USP20: variants seen among roughly 807,000 people sequenced by gnomAD.
USP20 encodes the protein ubiquitin carboxyl-terminal hydrolase 20.
In USP20, 80 loss-of-function variants were observed where a neutral mutation model predicts 124.2. The ratio of observed to expected loss-of-function variants is 0.64; its 90% confidence interval spans 0.54 to 0.78. The LOEUF (loss-of-function observed/expected upper bound fraction) is 0.78, where lower values mean the gene tolerates loss of function less well. USP20 is among the 30% of genes least tolerant of loss of function. USP20 has a pLI of 0.00. For synonymous variants in USP20, 481 were observed against 512.3 expected, an observed-to-expected ratio of 0.94 and a Z score of 0.83; for missense variants, 1,043 against 1,244.4, an observed-to-expected ratio of 0.84 and a Z score of 2.44.
At chr9:129,868,594 G>C in intron 11 of USP20, 145 bp downstream of exon 11, 4 of 1,433,184 alleles carry the variant, frequency 2.8e-6, no homozygotes, top group South Asian at 1.5e-5. Context: ...CTCCGGGGGG[G>C]CTCAGTGATG....
chr9:129,876,374 C>A, intron 22 of USP20, 136 bp downstream of exon 22: 2 of 698,914 alleles, frequency 2.9e-6, no homozygotes, highest in East Asian at 5.6e-5. Context: ...CATGGTGGCT[C>A]ACACCTGTAA....
Position 129,875,603 on chromosome 9 carries a change from C to T in USP20, c.2262C>T (p.Val754=). ...HKYHYIDDLV[V]ILPQNVWEHL... is the part of the protein sequence containing the mutation. ...ACCACTACATCGACGACCTGGTGGT[C>T]ATCCTGCCCCAGAACGTCTGGGAGC... Residue 754 remains valine (V), a synonymous_variant, in exon 21 of 26, where the codon GTC becomes GTT. Transcript: ENST00000372429. 6.2e-7 allele frequency: 1 copy of T among 1,614,080 alleles called. No homozygotes were observed.
Position 129,846,791 on chromosome 9 carries a change from T to C in USP20, c.-128-3022T>C, listed in dbSNP as rs138093204. Among the ~76,000 whole-genome samples, 140 of 151,802 alleles carry C rather than the reference T, an allele frequency of 9.2e-4. 1 individual carries two copies. Among genetic ancestry groups the C allele is most frequent in the Non-Finnish European group, 1.8e-3 (120 of 67,932 alleles). ...ACAGGCTCCCGCCACCACGCCCGGCTAATTTTTGTATTTTTAGTAGAAACG... is the reference window on the plus strand; with the variant it reads ...ACAGGCTCCCGCCACCACGCCCGGCCAATTTTTGTATTTTTAGTAGAAACG... On this transcript the variant is annotated intron_variant, in intron 1 of 25. Transcript: ENST00000372429.
chr9:129,852,747 C>T (rs1446404219), intron 3 of USP20, 111 bp downstream of exon 3: 10 of 1,106,580 alleles, frequency 9.0e-6, no homozygotes, highest in African/African-American at 4.7e-5. Flanking sequence ...AGTCTCTGCT[C>T]AGCTTTCTGT....
intron 1 of USP20, among the ~76,000 whole-genome samples, chr9:129,840,119 T>G (rs1388576731): frequency 9.9e-6 from 1 of 101,392 alleles, no homozygotes; most frequent in African/African-American, 2.7e-5. Context: ...CCTTGCTGAC[T>G]TGTTGTACAG....
chr9:129,849,842 A>G lies in USP20; in HGVS notation c.-99A>G, dbSNP rs2032799235. The G allele has an allele frequency of 6.6e-6, 1 of 152,328 alleles. No individual in the cohort carries two copies. The highest frequency in any genetic ancestry group is 1.5e-5 in the Non-Finnish European group (1 of 68,164). 9.4% of individuals were successfully genotyped at this position (152,328 alleles called of 1,614,324 possible). A position where few individuals can be genotyped will look rare whatever the true frequency, so the allele number is the denominator to read the frequency against. ...CTTGCCAGAGGCCTCCACTCACTCC[A>G]GACCCCTATAGCCCGTCGCTGTCAG... On this transcript the variant is annotated 5_prime_UTR_variant, in exon 2 of 26. Transcript: ENST00000372429.
In USP20 at chr9:129,839,576, T is replaced by C. The variant is rs1366844875; in HGVS notation, c.-129+4077T>C. 1.3e-5 allele frequency among the ~76,000 whole-genome samples: 2 copies of C among 149,638 alleles called. No individual in the cohort carries two copies. The highest frequency in any genetic ancestry group is 6.7e-5 in the Admixed American group (1 of 15,022). The stretch of plus-strand genomic sequence containing the variant: ...GACAGCAGGAGGGAGAGAAAGGGTG[T>C]GCGAGGGCCAGAGGGGACTGTGGAG... On this transcript the variant is annotated intron_variant, in intron 1 of 25. Coordinates refer to ENST00000372429, the MANE Select transcript of USP20 (RefSeq NM_001110303.4). This position sits in a 1 kb window ranked among gnomAD's most constrained non-coding sequence, Gnocchi z 4.5.
intron 1 of USP20, among the ~76,000 whole-genome samples, chr9:129,842,342 C>G (rs2032263862): frequency 6.6e-6 from 1 of 152,136 alleles, no homozygotes; most frequent in Non-Finnish European, 1.5e-5. Context: ...AACAGAGGTG[C>G]TGGTGGTGAT....
chr9:129,870,397 G>C (rs2034058970), intron 14 of USP20, 56 bp from the exon 15 acceptor site: 4 of 1,575,464 alleles, frequency 2.5e-6, no homozygotes, highest in Non-Finnish European at 3.5e-6. Flanking sequence ...AGTCCCTTCA[G>C]CTCCTGTTCT....
At chr9:129,874,473 G>A (rs2034284608) in intron 17 of USP20, 103 bp from the exon 18 acceptor site, 10 of 1,462,942 alleles carry the variant, frequency 6.8e-6, no homozygotes, top group Middle Eastern at 1.8e-4. Flanking sequence ...TTCCAATGGA[G>A]TCAGCTTGCA....
At chr9:129,875,091 C>T (rs2034325163) in intron 19 of USP20, 136 bp downstream of exon 19, 2 of 1,412,788 alleles carry the variant, frequency 1.4e-6, no homozygotes, top group Non-Finnish European at 1.9e-6. Flanking sequence ...TAAGAAACAG[C>T]CCTCTGGCTG....
intron 2 of USP20, among the ~76,000 whole-genome samples, chr9:129,850,958 G>A (rs1012785799): frequency 1.3e-5 from 2 of 152,044 alleles, no homozygotes; most frequent in African/African-American, 4.8e-5. Flanking sequence ...CCAGTCTTTT[G>A]TTTTGTTTTT....
intron 7 of USP20, 69 bp downstream of exon 7, chr9:129,861,102 G>A (rs780165098): frequency 6.9e-5 from 97 of 1,415,682 alleles, no homozygotes; most frequent in Middle Eastern, 1.8e-4. Flanking sequence ...GCTGGAAACC[G>A]CCAGAGTCTT....
chr9:129,874,869 G>A lies in USP20; in HGVS notation c.1962G>A (p.Gly654=). The change falls in exon 19 of 26, where the codon GGG becomes GGA. Residue 654 remains glycine, a synonymous_variant. Coordinates refer to ENST00000372429, the MANE Select transcript of USP20 (RefSeq NM_001110303.4). ...YIAYCQNVIN[G]QWYEFDDQYV... Reference sequence around the variant, plus strand: ...CCTACTGCCAGAACGTGATCAATGGGCAGTGGTACGAGTTTGATGACCAGT... The same window carrying A: ...CCTACTGCCAGAACGTGATCAATGGACAGTGGTACGAGTTTGATGACCAGT... The A allele has an allele frequency of 6.2e-7, 1 of 1,614,142 alleles. No homozygotes were observed. Among genetic ancestry groups the A allele is most frequent in the Non-Finnish European group, 8.5e-7 (1 of 1,180,040 alleles).
chr9:129,867,448 G>T (rs774612234), intron 10 of USP20, among the ~76,000 whole-genome samples: 1 of 152,176 alleles, frequency 6.6e-6, no homozygotes, highest in South Asian at 2.1e-4. Context: ...GGCAGTGAGG[G>T]TATGTGGGGG....
rs777557828 is a variant in USP20, at chr9:129,861,570, A to C, written c.455A>C (p.Asn152Thr). 2.5e-6 allele frequency: 4 copies of C among 1,613,962 alleles called. No individual in the cohort carries two copies. Among genetic ancestry groups the C allele is most frequent in the Non-Finnish European group, 3.4e-6 (4 of 1,179,994 alleles). ...RGLTGMKNLG[N>T]SCYMNAALQA... ...CTCACGGGCATGAAGAACCTCGGGA[A>C]CTCCTGCTACATGAACGCTGCCCTG... Residue 152 changes from asparagine (N) to threonine (T), a missense_variant, in exon 8 of 26, where the codon AAC (asparagine) becomes ACC (threonine). Asn to Thr is a moderately conservative substitution (Grantham distance 65, BLOSUM62 0). Transcript: ENST00000372429.
At chr9:129,853,966 A>G (rs981126814) in intron 3 of USP20, among the ~76,000 whole-genome samples, 2 of 146,970 alleles carry the variant, frequency 1.4e-5, no homozygotes, top group Non-Finnish European at 3.0e-5. Context: ...GAAAGTTACA[A>G]AATAAAACCA....
intron 2 of USP20, 82 bp downstream of exon 2, chr9:129,850,006 G>A (rs2032815717): frequency 6.6e-6 from 1 of 150,838 alleles, no homozygotes; most frequent in African/African-American, 2.5e-5. Flanking sequence ...TGAAAGAATG[G>A]AATTGTGATT....
At position 129,839,331 on chromosome 9, in the gene USP20, C is replaced by T. The variant is rs1455294762; in HGVS notation, c.-129+3832C>T. The stretch of plus-strand genomic sequence containing the variant: ...GAACACCAGACTAAGATGTTAGTGT[C>T]AGTTCCAATATTCAGGGCCGTGGGG... On this transcript the variant is annotated intron_variant, in intron 1 of 25. Transcript: ENST00000372429. This position sits in a 1 kb window ranked among gnomAD's most constrained non-coding sequence, Gnocchi z 4.5. 1.3e-5 allele frequency among the ~76,000 whole-genome samples: 2 copies of T among 152,112 alleles called. No individual in the cohort carries two copies. The highest frequency in any genetic ancestry group is 1.5e-5 in the Non-Finnish European group (1 of 68,036).
Sources: gnomAD v4.1 joint callset for allele counts (sites outside exome capture counted in the v4.1 genomes callset) on GRCh38, gnomAD v4.1.1 for gene constraint, Gnocchi (gnomAD v3.1) non-coding constraint, MANE v1.5 for transcripts, NCBI Gene and HGNC (gene_info 2026-07-23, HGNC 2026-07-21) for gene names.